Variants in SLC16A10 observed in about 807,000 individuals in gnomAD.
The protein encoded by SLC16A10 is monocarboxylate transporter 10.
A neutral mutation model predicts 40.0 loss-of-function variants in SLC16A10; 27 were observed. The ratio of observed to expected loss-of-function variants is 0.67; its 90% confidence interval spans 0.50 to 0.93. The LOEUF is 0.93. Ranked by LOEUF, SLC16A10 falls within the 40% of genes least tolerant of loss-of-function variation. The pLI, the probability that SLC16A10 is intolerant of heterozygous loss-of-function variation, is 0.00. For synonymous variants in SLC16A10, 213 were observed against 249.8 expected, an observed-to-expected ratio of 0.85 and a Z score of 1.39; for missense variants, 529 against 658.2, an observed-to-expected ratio of 0.80 and a Z score of 2.15.
intron 1 of SLC16A10, among the ~76,000 whole-genome samples, chr6:111,159,218 T>G (rs976899824): frequency 6.6e-6 from 1 of 152,158 alleles, no homozygotes; most frequent in African/African-American, 2.4e-5. Flanking sequence ...TCCCATCATG[T>G]TTTATGCTAT....
At chr6:111,114,012 T>C (rs538257793) in intron 1 of SLC16A10, among the ~76,000 whole-genome samples, 11 of 152,240 alleles carry the variant, frequency 7.2e-5, no homozygotes, top group Non-Finnish European at 1.6e-4. Context: ...TCATCAAATT[T>C]AGTTATTCAG....
chr6:111,117,699 G>T (rs1771513376), intron 1 of SLC16A10, among the ~76,000 whole-genome samples: 1 of 152,124 alleles, frequency 6.6e-6, no homozygotes, highest in Admixed American at 6.5e-5. Context: ...TTAACTCACA[G>T]CTGCCATCTT....
chr6:111,187,754 A>G (rs1173837103), intron 3 of SLC16A10, among the ~76,000 whole-genome samples: 1 of 152,160 alleles, frequency 6.6e-6, no homozygotes, highest in South Asian at 2.1e-4. Flanking sequence ...TTGCTTTGCC[A>G]TTTTGACATG....
chr6:111,121,454 C>T (rs1038231771), intron 1 of SLC16A10, among the ~76,000 whole-genome samples: 10 of 152,044 alleles, frequency 6.6e-5, no homozygotes, highest in South Asian at 2.1e-4. Flanking sequence ...CCAGCTACTT[C>T]GGAGGCTGAG....
At chr6:111,146,602 G>T (rs1473349253) in intron 1 of SLC16A10, among the ~76,000 whole-genome samples, 3 of 122,590 alleles carry the variant, frequency 2.4e-5, no homozygotes, top group East Asian at 1.9e-4. Context: ...TGGGCGTGGT[G>T]GGGGGGCGCC....
At chr6:111,180,524 G>A (rs777124073) in intron 3 of SLC16A10, among the ~76,000 whole-genome samples, 1 of 152,200 alleles carries the variant, frequency 6.6e-6, no homozygotes, top group Non-Finnish European at 1.5e-5. Flanking sequence ...ACTCCAGCCT[G>A]GGTGACTGAG....
At chr6:111,213,533 TGGGATGA>T (rs1438803144) in intron 4 of SLC16A10, among the ~76,000 whole-genome samples, 2 of 152,226 alleles carry the variant, frequency 1.3e-5, no homozygotes, top group East Asian at 3.8e-4. Flanking sequence ...AAAGATATCT[TGGGATGA>T]GGGTATATAC....
intron 4 of SLC16A10, among the ~76,000 whole-genome samples, chr6:111,215,911 C>T (rs987057684): frequency 3.2e-4 from 48 of 152,142 alleles, no homozygotes; most frequent in African/African-American, 1.1e-3. Context: ...GGGAGGATCA[C>T]TTTGAGCCCA....
rs113804209 is a variant in SLC16A10 at position 111,104,327 on chromosome 6, T to G, written c.343+16232T>G. Among the ~76,000 whole-genome samples, 388 of 152,138 alleles carry G rather than the reference T, an allele frequency of 2.6e-3. 3 individuals are homozygous for G. Among genetic ancestry groups the G allele is most frequent in the African/African-American group, 8.8e-3 (367 of 41,494 alleles). On this transcript the variant is annotated intron_variant, in intron 1 of 5. Transcript: ENST00000368851. The stretch of plus-strand genomic sequence containing the variant: ...CCGAAAGCCGAGTGAGATTTGAGGG[T>G]CAGCCATGGAAATGGGAATGAAGGG...
chr6:111,178,187 G>A (rs1772723920), intron 3 of SLC16A10, among the ~76,000 whole-genome samples: 4 of 152,226 alleles, frequency 2.6e-5, no homozygotes, highest in East Asian at 1.9e-4. Flanking sequence ...TTTTTCAACC[G>A]AAGGGTGTAG....
At chr6:111,162,415 C>A (rs1218513777) in intron 1 of SLC16A10, among the ~76,000 whole-genome samples, 1 of 152,180 alleles carries the variant, frequency 6.6e-6, no homozygotes, top group Non-Finnish European at 1.5e-5. Context: ...AAGTGACATT[C>A]TTTATTCACC....
intron 1 of SLC16A10, among the ~76,000 whole-genome samples, chr6:111,167,492 T>C (rs1034764488): frequency 2.0e-5 from 3 of 152,138 alleles, no homozygotes; most frequent in Non-Finnish European, 4.4e-5. Context: ...TGGAGAGTTC[T>C]GTGGGGGCAT....
At chr6:111,207,043 C>A (rs1773266464) in intron 4 of SLC16A10, among the ~76,000 whole-genome samples, 2 of 152,166 alleles carry the variant, frequency 1.3e-5, no homozygotes, top group Admixed American at 1.3e-4. Flanking sequence ...GTTGGTCAGG[C>A]TGGTCTTGAA....
At chr6:111,090,195 G>C (rs768141811) in intron 1 of SLC16A10, among the ~76,000 whole-genome samples, 15 of 152,024 alleles carry the variant, frequency 9.9e-5, no homozygotes, top group Non-Finnish European at 2.2e-4. Flanking sequence ...AACTTTTTCA[G>C]TCATGTTTGT....
At chr6:111,186,878 G>T (rs1425922976) in intron 3 of SLC16A10, among the ~76,000 whole-genome samples, 2 of 152,018 alleles carry the variant, frequency 1.3e-5, no homozygotes, top group Non-Finnish European at 2.9e-5. Flanking sequence ...ATAACATATT[G>T]TAAAAGTGCT....
rs545065162 is a variant in SLC16A10 at position 111,156,171 on chromosome 6, GAATA to G, written c.344-16512_344-16509del. 6.6e-5 allele frequency among the ~76,000 whole-genome samples: 10 copies of G among 152,262 alleles called. No individual in the cohort carries two copies. The East Asian group carries it at 1.5e-3, about 23-fold the overall frequency. Reference sequence around the variant, plus strand: ...TCCATAATGATATAAACAAGTGATTGAATAAATAAATAAATGTGGGAGACTAGAC... The same window carrying G: ...TCCATAATGATATAAACAAGTGATTGAATAAATAAATGTGGGAGACTAGAC... On this transcript the variant is annotated intron_variant, in intron 1 of 5. Coordinates refer to ENST00000368851, the MANE Select transcript of SLC16A10 (RefSeq NM_018593.5).
intron 1 of SLC16A10, among the ~76,000 whole-genome samples, chr6:111,096,268 C>CAGAGTTA (rs1323949647): frequency 6.6e-6 from 1 of 152,292 alleles, no homozygotes; most frequent in East Asian, 1.9e-4. Flanking sequence ...AAAAGAATTC[C>CAGAGTTA]AGAGTTATCA....
chr6:111,113,315 T>C (rs1771423386), intron 1 of SLC16A10, among the ~76,000 whole-genome samples: 1 of 152,210 alleles, frequency 6.6e-6, no homozygotes, highest in Admixed American at 6.5e-5. Flanking sequence ...GTAAGAGTTA[T>C]CACAGTGTGT....
At chr6:111,102,165 C>T (rs762644742) in intron 1 of SLC16A10, among the ~76,000 whole-genome samples, 2 of 152,070 alleles carry the variant, frequency 1.3e-5, no homozygotes, top group Non-Finnish European at 2.9e-5. Flanking sequence ...TTTTTTTCCC[C>T]TCTCTTGGAT....
Sources: allele counts gnomAD v4.1 joint callset (sites outside exome capture counted in the v4.1 genomes callset), GRCh38; gene constraint gnomAD v4.1.1; transcripts MANE v1.5; gene names NCBI Gene and HGNC (gene_info 2026-07-23, HGNC 2026-07-21).